AGPAT5: variants seen among roughly 807,000 people sequenced by gnomAD.
AGPAT5 encodes the protein 1-acylglycerol-3-phosphate O-acyltransferase 5.
In AGPAT5, 46 loss-of-function variants were observed where a neutral mutation model predicts 45.6. The observed-to-expected ratio is 1.01, with a 90% CI of 0.80 to 1.29. The LOEUF (loss-of-function observed/expected upper bound fraction) is 1.29. AGPAT5 is among the 50% of genes most tolerant of loss of function. The pLI, the probability that AGPAT5 is intolerant of heterozygous loss-of-function variation, is 0.00. For missense variants in AGPAT5, 673 were observed against 450.7 expected (o/e 1.49, Z -4.47); for synonymous variants, 272 against 167.0 (o/e 1.63, Z -4.85).
rs1312168692 is a variant in AGPAT5, at chr8:6,758,305, A to T, written c.*917A>T. ...GAGAGCCTGCAGACATTCTGCCTAG[A>T]TTTACTAGCGTGTGCCTTTTGCCTG... On this transcript the variant is annotated 3_prime_UTR_variant, in exon 8 of 8. Coordinates refer to ENST00000285518, the MANE Select transcript of AGPAT5 (RefSeq NM_018361.5). 6.6e-6 allele frequency: 1 copy of T among 152,584 alleles called. No homozygotes were observed. Among genetic ancestry groups the T allele is most frequent in the East Asian group, 1.9e-4 (1 of 5,198 alleles). The allele number at this position is 152,584 out of a possible 1,614,324, so 9.5% of individuals were successfully genotyped here. A position where few individuals can be genotyped will look rare whatever the true frequency, so the allele number is the denominator to read the frequency against.
Position 6,730,335 on chromosome 8 carries a change from TTTTTTTTTTTTTTG to T in AGPAT5, c.290-375_290-362del, listed in dbSNP as rs1449699914. ...TCATAGGACTTTTTTTTTTTTTTTTTTTTTTTTTTTTTTGGAGACGGAGTCTCGCTGTCGCCCAG... is the reference window on the plus strand; with the variant it reads ...TCATAGGACTTTTTTTTTTTTTTTTTGAGACGGAGTCTCGCTGTCGCCCAG... On this transcript the variant is annotated intron_variant, in intron 2 of 7. Coordinates refer to ENST00000285518, the MANE Select transcript of AGPAT5 (RefSeq NM_018361.5). Among the ~76,000 whole-genome samples, 9 of 23,240 alleles carry T rather than the reference TTTTTTTTTTTTTTG, an allele frequency of 3.9e-4. 4 individuals are homozygous for T. Among genetic ancestry groups the T allele is most frequent in the African/African-American group, 1.5e-3 (2 of 1,372 alleles). 15.2% of individuals were successfully genotyped at this position (23,240 alleles called of 152,430 possible).
At chr8:6,715,365 A>T (rs772567295) in intron 1 of AGPAT5, among the ~76,000 whole-genome samples, 5 of 152,146 alleles carry the variant, frequency 3.3e-5, no homozygotes, top group Admixed American at 6.5e-5. Flanking sequence ...AGTGGATGTT[A>T]AGATTGAAAA....
intron 4 of AGPAT5, among the ~76,000 whole-genome samples, chr8:6,737,201 G>C (rs1201086847): frequency 6.6e-6 from 1 of 152,176 alleles, no homozygotes; most frequent in Non-Finnish European, 1.5e-5. Context: ...TTCACTGTAA[G>C]GTCACTGTCC....
chr8:6,716,983 A>T (rs28604439), intron 1 of AGPAT5, among the ~76,000 whole-genome samples: 3,291 of 152,316 alleles, frequency 0.022, 119 homozygotes, highest in African/African-American at 0.075. Context: ...GTTTTGCTCT[A>T]ACAGGGTACC....
rs7003121 is a variant in AGPAT5, at chr8:6,742,153, G to A, written c.586+402G>A. The stretch of plus-strand genomic sequence containing the variant: ...TTATTAGCTGTATGGTTGCAACTTG[G>A]AAGTTGTGTAATGTTGCTGAGCTTG... On this transcript the variant is annotated intron_variant, in intron 5 of 7. Coordinates refer to ENST00000285518, the MANE Select transcript of AGPAT5 (RefSeq NM_018361.5). 2.0e-5 allele frequency among the ~76,000 whole-genome samples: 3 copies of A among 152,146 alleles called. No individual in the cohort carries two copies. In the East Asian group the frequency reaches 5.8e-4, roughly 29 times the overall value.
chr8:6,757,473 T>A lies in AGPAT5; in HGVS notation c.*85T>A. On this transcript the variant is annotated 3_prime_UTR_variant, in exon 8 of 8. Coordinates refer to ENST00000285518, the MANE Select transcript of AGPAT5 (RefSeq NM_018361.5). The stretch of plus-strand genomic sequence containing the variant: ...ATGACATCAAATTGTTTCCTGAATT[T>A]ATTAAGGAGTGTAAATAAAGCCTTG... 5 of 1,034,890 alleles carry A rather than the reference T, an allele frequency of 4.8e-6. No homozygotes were observed. Among genetic ancestry groups the A allele is most frequent in the Non-Finnish European group, 7.3e-6 (5 of 681,428 alleles). The allele number at this position is 1,034,890 out of a possible 1,614,324, so 64.1% of individuals were successfully genotyped here. A position where few individuals can be genotyped will look rare whatever the true frequency, so the allele number is the denominator to read the frequency against.
rs577370606 is a variant in AGPAT5, at chr8:6,714,372, C to T, written c.219+5485C>T. Among the ~76,000 whole-genome samples the T allele has an allele frequency of 1.4e-4, 21 of 152,268 alleles. No individual in the cohort carries two copies. The East Asian group carries it at 4.1e-3, about 29-fold the overall frequency. On this transcript the variant is annotated intron_variant, in intron 1 of 7. Transcript: ENST00000285518. The stretch of plus-strand genomic sequence containing the variant: ...AACATTTCCCAATCAAATACAATTC[C>T]AGTCTAACACAATTAAATTCTGGTT...
At chr8:6,745,201 T>C (rs368913183) in intron 5 of AGPAT5, 1 of 154,508 alleles carries the variant, frequency 6.5e-6, no homozygotes, top group East Asian at 1.9e-4. Context: ...AAGAAAACTT[T>C]GGAGAAAAAT....
rs753524722 is a variant in AGPAT5 at position 6,730,692 on chromosome 8, C to A, written c.290-19C>A. ...GTGAAGAGCCTCATGTACGCGCTAA[C>A]TGGGTCCTGTCTCTGCAGTTGACTG... On this transcript the variant is annotated intron_variant, in intron 2 of 7. Transcript: ENST00000285518. The A allele has an allele frequency of 1.9e-6, 3 of 1,576,522 alleles. No homozygotes were observed. The highest frequency in any genetic ancestry group is 2.2e-5 in the East Asian group (1 of 44,682).
chr8:6,719,981 G>GTAAA (rs1800449022), intron 1 of AGPAT5, among the ~76,000 whole-genome samples: 1 of 152,184 alleles, frequency 6.6e-6, no homozygotes, highest in Non-Finnish European at 1.5e-5. Context: ...ATTGATCAGT[G>GTAAA]GTTGGGACTT....
chr8:6,735,736 C>G (rs1032447080), intron 4 of AGPAT5, among the ~76,000 whole-genome samples: 1 of 151,360 alleles, frequency 6.6e-6, no homozygotes, highest in African/African-American at 2.4e-5. Context: ...ATTCTACATA[C>G]TTAATGGAAG....
In AGPAT5 at chr8:6,708,648, C is replaced by G. The variant is rs746365266; in HGVS notation, c.-21C>G. 3 of 1,508,312 alleles carry G rather than the reference C, an allele frequency of 2.0e-6. No individual in the cohort carries two copies. The highest frequency in any genetic ancestry group is 1.8e-6 in the Non-Finnish European group (2 of 1,132,480). 93.4% of individuals were successfully genotyped at this position (1,508,312 alleles called of 1,614,324 possible). ...GCGGGCGGGGAGCGCAGGCGGAGCT[C>G]GCTGCCGCCGAGCTGAGAAGATGCT... is the stretch of plus-strand genomic sequence containing the variant. On this transcript the variant is annotated 5_prime_UTR_variant, in exon 1 of 8. Coordinates refer to ENST00000285518, the MANE Select transcript of AGPAT5 (RefSeq NM_018361.5).
intron 4 of AGPAT5, among the ~76,000 whole-genome samples, chr8:6,736,551 T>G (rs1194973205): frequency 6.6e-6 from 1 of 152,262 alleles, no homozygotes; most frequent in Non-Finnish European, 1.5e-5. Flanking sequence ...GTACTTTCTT[T>G]CCTTGTTTGC....
At chr8:6,743,596 G>A (rs1801314760) in intron 5 of AGPAT5, among the ~76,000 whole-genome samples, 1 of 152,216 alleles carries the variant, frequency 6.6e-6, no homozygotes, top group African/African-American at 2.4e-5. Flanking sequence ...GGGTCCTGCA[G>A]AAGTGCAGGC....
At chr8:6,757,121 C>G (rs1415786217) in intron 7 of AGPAT5, 42 bp from the exon 8 acceptor site, 1 of 1,482,756 alleles carries the variant, frequency 6.7e-7, no homozygotes, top group African/African-American at 1.4e-5. Context: ...AATTGAAATA[C>G]TGAAGTGACT....
chr8:6,739,081 G>C (rs565382223), intron 4 of AGPAT5, among the ~76,000 whole-genome samples: 1 of 152,092 alleles, frequency 6.6e-6, no homozygotes, highest in African/African-American at 2.4e-5. Flanking sequence ...TTTGAAATAA[G>C]TAGACTGAAT....
chr8:6,738,717 T>G (rs1441446190), intron 4 of AGPAT5, among the ~76,000 whole-genome samples: 2 of 152,230 alleles, frequency 1.3e-5, no homozygotes, highest in Non-Finnish European at 2.9e-5. Context: ...ACAAGTTTTT[T>G]GCATCTGTTA....
intron 5 of AGPAT5, among the ~76,000 whole-genome samples, chr8:6,742,039 G>A (rs999090676): frequency 1.3e-5 from 2 of 152,140 alleles, no homozygotes; most frequent in African/African-American, 4.8e-5. Flanking sequence ...TATGTAGATG[G>A]AAGCTTTTTC....
intron 5 of AGPAT5, among the ~76,000 whole-genome samples, chr8:6,744,559 C>T (rs1801363192): frequency 6.6e-6 from 1 of 152,008 alleles, no homozygotes; most frequent in Admixed American, 6.6e-5. Context: ...GTGCTTGGTT[C>T]GGGGTCCTGT....
Sources: allele counts gnomAD v4.1 joint callset (sites outside exome capture counted in the v4.1 genomes callset), GRCh38; gene constraint gnomAD v4.1.1; transcripts MANE v1.5; gene names NCBI Gene and HGNC (gene_info 2026-07-23, HGNC 2026-07-21).